Variants in GMEB2 observed in about 807,000 individuals in gnomAD.
GMEB2 encodes the protein glucocorticoid modulatory element-binding protein 2.
In GMEB2, 7 loss-of-function variants were observed where a neutral mutation model predicts 45.7. That is an observed-to-expected ratio of 0.15 (90% confidence interval 0.09 to 0.29). The LOEUF is 0.29. Among genes scored for constraint, GMEB2 ranks in the 10% least tolerant of loss-of-function variants. The pLI, the probability that GMEB2 is intolerant of heterozygous loss-of-function variation, is 1.00. For synonymous variants in GMEB2, 322 were observed against 323.6 expected, an observed-to-expected ratio of 1.00 and a Z score of 0.05; for missense variants, 582 against 739.2, an observed-to-expected ratio of 0.79 and a Z score of 2.47.
At chr20:63,591,918 G>C in intron 9 of GMEB2, 104 bp downstream of exon 9, 1 of 997,462 alleles carries the variant, frequency 1.0e-6, no homozygotes, top group South Asian at 1.6e-5. Context: ...TGGTGGCGGT[G>C]ACTCCAGGAA....
Position 63,592,686 on chromosome 20 carries a change from T to G in GMEB2, c.692-16A>C, listed in dbSNP as rs757687711. On this transcript the variant is annotated splice_polypyrimidine_tract_variant and intron_variant, in intron 7 of 9. Transcript: ENST00000370077. This position sits in a 1 kb window ranked among gnomAD's most constrained non-coding sequence, Gnocchi z 8.2. ...AATGTGTCATCTGTGAGGGAAGGAG[T>G]GGGTTCAGTGGGCAGGGAAAGTGCT... The G allele has an allele frequency of 8.2e-5, 132 of 1,608,556 alleles. No homozygotes were observed. The highest frequency in any genetic ancestry group is 1.0e-4 in the Non-Finnish European group (121 of 1,176,566).
Position 63,590,606 on chromosome 20 carries a change from G to A in GMEB2, c.1076C>T (p.Pro359Leu). 1 of 1,592,582 alleles carries A rather than the reference G, an allele frequency of 6.3e-7. No individual in the cohort carries two copies. Among genetic ancestry groups the A allele is most frequent in the Non-Finnish European group, 8.6e-7 (1 of 1,168,290 alleles). Residue 359 changes from proline to leucine, a missense_variant, in exon 10 of 10, where the codon CCC becomes CTC. Coordinates refer to ENST00000370077, the MANE Select transcript of GMEB2 (RefSeq NM_012384.5). ...PVSLPPPVKR[P>L]RLARATSGPA... is the part of the protein sequence containing the mutation. The stretch of plus-strand genomic sequence containing the variant: ...TCCTGATGTGGCACGTGCAAGCCGG[G>A]GCCGCTTCACAGGCGGTGGCAGGGA...
In GMEB2 at chr20:63,588,871, C is replaced by G. The variant is rs2083117780; in HGVS notation, c.*1218G>C. 1 of 398,750 alleles carries G rather than the reference C, an allele frequency of 2.5e-6. No homozygotes were observed. The highest frequency in any genetic ancestry group is 2.1e-5 in the African/African-American group (1 of 48,758). 24.7% of individuals were successfully genotyped at this position (398,750 alleles called of 1,614,324 possible). A position where few individuals can be genotyped will look rare whatever the true frequency, so the allele number is the denominator to read the frequency against. ...GGACCCTGGCCTGGAGGGGCCTCAG[C>G]CTGGTCTTCCTTGTGAGTCCAAGGC... On this transcript the variant is annotated 3_prime_UTR_variant, in exon 10 of 10. Transcript: ENST00000370077.
In GMEB2 at chr20:63,588,880, C is replaced by T; in HGVS notation, c.*1209G>A. Reference sequence around the variant, plus strand: ...CCTGGAGGGGCCTCAGCCTGGTCTTCCTTGTGAGTCCAAGGCCAGGTCTCA... The same window carrying T: ...CCTGGAGGGGCCTCAGCCTGGTCTTTCTTGTGAGTCCAAGGCCAGGTCTCA... On this transcript the variant is annotated 3_prime_UTR_variant, in exon 10 of 10. Coordinates refer to ENST00000370077, the MANE Select transcript of GMEB2 (RefSeq NM_012384.5). The T allele has an allele frequency of 2.5e-6, 1 of 398,722 alleles. No individual in the cohort carries two copies. Among genetic ancestry groups the T allele is most frequent in the Non-Finnish European group, 4.4e-6 (1 of 226,116 alleles). 24.7% of individuals were successfully genotyped at this position (398,722 alleles called of 1,614,324 possible).
Position 63,589,254 on chromosome 20 carries a change from C to T in GMEB2, c.*835G>A, listed in dbSNP as rs928533538. 15 of 398,654 alleles carry T rather than the reference C, an allele frequency of 3.8e-5. No individual in the cohort carries two copies. Among genetic ancestry groups the T allele is most frequent in the African/African-American group, 6.2e-5 (3 of 48,626 alleles). 24.7% of individuals were successfully genotyped at this position (398,654 alleles called of 1,614,324 possible). On this transcript the variant is annotated 3_prime_UTR_variant, in exon 10 of 10. Coordinates refer to ENST00000370077, the MANE Select transcript of GMEB2 (RefSeq NM_012384.5). ...ACAGGCTGCCCAGGACCTCCGCACC[C>T]GGTCAAGTGCACTCACAGGGGCTCA...
At chr20:63,620,528 T>A (rs1452963126) in intron 1 of GMEB2, among the ~76,000 whole-genome samples, 1 of 152,058 alleles carries the variant, frequency 6.6e-6, no homozygotes, top group African/African-American at 2.4e-5. Flanking sequence ...AGCGCCTGGG[T>A]CGTCCCAAGA....
chr20:63,614,701 C>A (rs1601029829), intron 2 of GMEB2, among the ~76,000 whole-genome samples: 1 of 152,332 alleles, frequency 6.6e-6, no homozygotes, highest in Non-Finnish European at 1.5e-5. Context: ...CCTGGCTCTG[C>A]CTTCTAGATA....
intron 3 of GMEB2, among the ~76,000 whole-genome samples, chr20:63,604,067 A>AAAC (rs1569053263): frequency 2.7e-5 from 4 of 145,740 alleles, no homozygotes; most frequent in African/African-American, 5.1e-5. Context: ...AAAAAAAAAA[A>AAAC]AAACAGAATT....
In GMEB2 at chr20:63,592,257, G is replaced by C. The variant is rs889667315; in HGVS notation, c.830-113C>G. The C allele has an allele frequency of 2.0e-6, 2 of 1,007,690 alleles. No individual in the cohort carries two copies. Among genetic ancestry groups the C allele is most frequent in the Non-Finnish European group, 2.9e-6 (2 of 684,286 alleles). 62.4% of individuals were successfully genotyped at this position (1,007,690 alleles called of 1,614,324 possible). On this transcript the variant is annotated intron_variant, in intron 8 of 9. Transcript: ENST00000370077. The surrounding 1 kb of genome is among the most constrained non-coding windows in gnomAD (Gnocchi z 8.2). The stretch of plus-strand genomic sequence containing the variant: ...AGAGAGTCACGTGGACGCTCGGTGA[G>C]AGCCTGGGCTCTTCCTAGAGAGTGA...
At chr20:63,603,831 T>A (rs572549476) in intron 3 of GMEB2, among the ~76,000 whole-genome samples, 2 of 151,482 alleles carry the variant, frequency 1.3e-5, no homozygotes, top group East Asian at 3.9e-4. Context: ...GGTGGGTGGA[T>A]CACCTGAGGT....
chr20:63,605,747 G>A (rs1387247847), intron 2 of GMEB2, among the ~76,000 whole-genome samples: 1 of 150,670 alleles, frequency 6.6e-6, no homozygotes, highest in Non-Finnish European at 1.5e-5. Flanking sequence ...TTGAGGTCAG[G>A]AGTTCGAGAC....
At chr20:63,624,502 G>A (rs893786595) in intron 1 of GMEB2, among the ~76,000 whole-genome samples, 10 of 152,038 alleles carry the variant, frequency 6.6e-5, no homozygotes, top group African/African-American at 1.7e-4. Context: ...CTGACTTCTC[G>A]GGGTTTAACT....
chr20:63,612,870 C>T (rs940173267), intron 2 of GMEB2, among the ~76,000 whole-genome samples: 2 of 152,228 alleles, frequency 1.3e-5, no homozygotes, highest in Non-Finnish European at 2.9e-5. Flanking sequence ...CGGCCCAGAC[C>T]AGCAGAACCA....
chr20:63,619,311 C>T lies in GMEB2; in HGVS notation c.87G>A (p.Glu29=). The stretch of plus-strand genomic sequence containing the variant: ...TCGTCACCAACACGGTCTTCACCCC[C>T]TCCACACCACTGCCGTCCACTGCAG... ...PDTAVDGSGV[E]GVKTVLVTTN... The change falls in exon 2 of 10, where the codon GAG becomes GAA. Residue 29 remains glutamate, a synonymous_variant. Transcript: ENST00000370077. The surrounding 1 kb of genome is among the most constrained non-coding windows in gnomAD (Gnocchi z 4.6). 1 of 1,613,018 alleles carries T rather than the reference C, an allele frequency of 6.2e-7. No homozygotes were observed. The highest frequency in any genetic ancestry group is 8.5e-7 in the Non-Finnish European group (1 of 1,179,926).
At chr20:63,601,811 G>C (rs954001239) in intron 4 of GMEB2, among the ~76,000 whole-genome samples, 1 of 151,822 alleles carries the variant, frequency 6.6e-6, no homozygotes, top group Non-Finnish European at 1.5e-5. Flanking sequence ...TGTGGGGCCT[G>C]TGGCTTCTGT....
chr20:63,604,688 G>C, intron 3 of GMEB2, 55 bp downstream of exon 3: 1 of 946,238 alleles, frequency 1.1e-6, no homozygotes, highest in South Asian at 1.3e-5. Context: ...GTGCAGGACT[G>C]TCCTGTCCCT....
chr20:63,590,028 TGCTGCCGCG>T lies in GMEB2; in HGVS notation c.*52_*60del. The stretch of plus-strand genomic sequence containing the variant: ...AGCCCTGCGGCCTCTGCCCGCTCCC[TGCTGCCGCG>T]GCTGAGAGACAGCCAGCCCTGTCCG... On this transcript the variant is annotated 3_prime_UTR_variant, in exon 10 of 10. Transcript: ENST00000370077. 1 of 1,440,030 alleles carries T rather than the reference TGCTGCCGCG, an allele frequency of 6.9e-7. No homozygotes were observed. Among genetic ancestry groups the T allele is most frequent in the Non-Finnish European group, 9.2e-7 (1 of 1,089,100 alleles). The allele number at this position is 1,440,030 out of a possible 1,614,324, so 89.2% of individuals were successfully genotyped here.
rs2083201038 is a variant in GMEB2 at position 63,596,371 on chromosome 20, G to C, written c.462-604C>G. Among the ~76,000 whole-genome samples, 4 of 152,242 alleles carry C rather than the reference G, an allele frequency of 2.6e-5. No individual in the cohort carries two copies. The South Asian group carries it at 8.3e-4, about 31-fold the overall frequency. ...GCCTCTCCGGAGGTCCAGGGTCTCA[G>C]TCCTGTGTGTCTCAACGAGCCTGCC... On this transcript the variant is annotated intron_variant, in intron 5 of 9. Transcript: ENST00000370077.
At chr20:63,606,137 C>T (rs2089517210) in intron 2 of GMEB2, among the ~76,000 whole-genome samples, 1 of 151,972 alleles carries the variant, frequency 6.6e-6, no homozygotes, top group Admixed American at 6.6e-5. Flanking sequence ...GTCACTATGG[C>T]CCAACCTCAT....
Sources: allele counts gnomAD v4.1 joint callset (sites outside exome capture counted in the v4.1 genomes callset), GRCh38; gene constraint gnomAD v4.1.1; non-coding constraint Gnocchi (gnomAD v3.1); transcripts MANE v1.5; gene names NCBI Gene and HGNC (gene_info 2026-07-23, HGNC 2026-07-21).